The following BIRC5 variants were observed in gnomAD, a reference collection of about 807,000 sequenced individuals.
The protein encoded by BIRC5 is baculoviral IAP repeat containing 5.
In BIRC5, 8 loss-of-function variants were observed where a neutral mutation model predicts 15.8. The ratio of observed to expected loss-of-function variants is 0.51; its 90% CI spans 0.30 to 0.91. The LOEUF is 0.91. Among genes scored for constraint, BIRC5 ranks in the 40% least tolerant of loss-of-function variants. The pLI, the probability that BIRC5 is intolerant of heterozygous loss-of-function variation, is 0.07. For synonymous variants in BIRC5, 56 were observed against 64.5 expected (o/e 0.87, Z 0.63); for missense variants, 163 against 178.6 (o/e 0.91, Z 0.50).
At chr17:78,215,554 C>T (rs889949630) in intron 2 of BIRC5, among the ~76,000 whole-genome samples, 1 of 151,804 alleles carries the variant, frequency 6.6e-6, no homozygotes. Flanking sequence ...CACTGTAATG[C>T]CATATTCTTT....
chr17:78,223,923 G>A lies in BIRC5; in HGVS notation c.*369G>A. 1 of 328,810 alleles carries A rather than the reference G, an allele frequency of 3.0e-6. No individual in the cohort carries two copies. 20.4% of individuals were successfully genotyped at this position (328,810 alleles called of 1,614,324 possible). On this transcript the variant is annotated 3_prime_UTR_variant, in exon 4 of 4. Transcript: ENST00000350051. ...GTGGGCAGAGCCTTCCACAGTGAAT[G>A]TGTCTGGACCTCATGTTGTTGAGGC...
chr17:78,220,072 G>T (rs2076504770), intron 3 of BIRC5, among the ~76,000 whole-genome samples: 1 of 151,418 alleles, frequency 6.6e-6, no homozygotes, highest in African/African-American at 2.4e-5. Context: ...TAGGGTTACA[G>T]GGATGAAGAT....
At chr17:78,217,133 C>T (rs2076484257) in intron 3 of BIRC5, among the ~76,000 whole-genome samples, 1 of 151,396 alleles carries the variant, frequency 6.6e-6, no homozygotes, top group Non-Finnish European at 1.5e-5. Flanking sequence ...CCACCTTGGC[C>T]TCCCAAAGTG....
chr17:78,215,255 A>T (rs1028869305), intron 2 of BIRC5, among the ~76,000 whole-genome samples: 1 of 152,078 alleles, frequency 6.6e-6, no homozygotes, highest in Admixed American at 6.6e-5. Flanking sequence ...CGTCTCTACT[A>T]AAAATACAAA....
At chr17:78,217,176 CTT>C (rs1415769310) in intron 3 of BIRC5, among the ~76,000 whole-genome samples, 1 of 142,366 alleles carries the variant, frequency 7.0e-6, no homozygotes, top group African/African-American at 2.6e-5. Flanking sequence ...CCACGCCTGG[CTT>C]TTTTTTTTTT....
chr17:78,214,742 C>T lies in BIRC5; in HGVS notation c.174C>T (p.Phe58=), dbSNP rs1183848453. 10 of 1,613,106 alleles carry T rather than the reference C, an allele frequency of 6.2e-6. No individual in the cohort carries two copies. Among genetic ancestry groups the T allele is most frequent in the Non-Finnish European group, 8.5e-6 (10 of 1,179,662 alleles). Residue 58 remains phenylalanine (F), a synonymous_variant, in exon 2 of 4, where the codon TTC becomes TTT. Coordinates refer to ENST00000350051, the MANE Select transcript of BIRC5 (RefSeq NM_001168.3). ...ACGAGCCAGACTTGGCCCAGTGTTT[C>T]TTCTGCTTCAAGGAGCTGGAAGGCT... ...TENEPDLAQC[F]FCFKELEGWE... is the part of the protein sequence containing the mutation.
At chr17:78,222,893 G>T (rs1480424945) in intron 3 of BIRC5, 1 of 1,535,778 alleles carries the variant, frequency 6.5e-7, no homozygotes, top group Middle Eastern at 1.7e-4. Context: ...GGAAGCAAAA[G>T]AATTTCTGTT....
At chr17:78,216,857 A>T in intron 3 of BIRC5, 76 bp downstream of exon 3, 10 of 1,113,106 alleles carry the variant, frequency 9.0e-6, no homozygotes, top group South Asian at 2.8e-5. Context: ...CCTCAAAGGG[A>T]CTCTGTGTTT....
In BIRC5 at chr17:78,223,622, A is replaced by T. The variant is rs757860515; in HGVS notation, c.*68A>T. The stretch of plus-strand genomic sequence containing the variant: ...CTTCCAGGGTTTATTCCCTGGTGCC[A>T]CCAGCCTTCCTGTGGGCCCCTTAGC... On this transcript the variant is annotated 3_prime_UTR_variant, in exon 4 of 4. Transcript: ENST00000350051. The T allele has an allele frequency of 6.2e-7, 1 of 1,604,388 alleles. No homozygotes were observed. The highest frequency in any genetic ancestry group is 1.1e-5 in the South Asian group (1 of 89,352).
chr17:78,214,276 T>G lies in BIRC5; in HGVS notation c.-41T>G. 2 of 1,559,956 alleles carry G rather than the reference T, an allele frequency of 1.3e-6. No individual in the cohort carries two copies. The highest frequency in any genetic ancestry group is 1.7e-6 in the Non-Finnish European group (2 of 1,145,792). On this transcript the variant is annotated 5_prime_UTR_variant, in exon 1 of 4. Transcript: ENST00000350051. ...CCGCGGCGCGCCATTAACCGCCAGA[T>G]TTGAATCGCGGGACCCGTTGGCAGA...
At chr17:78,216,431 T>C (rs1168562538) in intron 2 of BIRC5, 4 of 443,332 alleles carry the variant, frequency 9.0e-6, no homozygotes, top group Non-Finnish European at 1.7e-5. Context: ...ATAGATACAT[T>C]AGCCACACAG....
intron 2 of BIRC5, 112 bp downstream of exon 2, chr17:78,214,901 C>A: frequency 1.0e-6 from 1 of 963,550 alleles, no homozygotes; most frequent in Non-Finnish European, 1.6e-6. Context: ...CTCATTGCTT[C>A]TTAAACAGCT....
At chr17:78,222,695 C>G in intron 3 of BIRC5, 1 of 1,274,606 alleles carries the variant, frequency 7.8e-7, no homozygotes, top group Non-Finnish European at 1.0e-6. Flanking sequence ...TTAAGTTAAC[C>G]TCTGTCAGCA....
intron 3 of BIRC5, among the ~76,000 whole-genome samples, chr17:78,221,343 C>G (rs1050193631): frequency 6.6e-6 from 1 of 152,180 alleles, no homozygotes. Context: ...CCTCGACCTC[C>G]TGGACTCAAG....
intron 3 of BIRC5, among the ~76,000 whole-genome samples, chr17:78,220,255 C>T (rs560920649): frequency 3.8e-4 from 57 of 151,624 alleles, no homozygotes; most frequent in African/African-American, 1.3e-3. Flanking sequence ...GGTGAAACCC[C>T]GTCTTTACTA....
intron 3 of BIRC5, among the ~76,000 whole-genome samples, chr17:78,220,423 G>T (rs1388474678): frequency 2.0e-5 from 2 of 100,076 alleles, no homozygotes; most frequent in African/African-American, 7.7e-5. Flanking sequence ...GCGAGACTCC[G>T]TCTCAAAAAA....
chr17:78,216,395 C>G (rs1330754272), intron 2 of BIRC5: 6 of 363,062 alleles, frequency 1.7e-5, no homozygotes, highest in Non-Finnish European at 3.1e-5. Context: ...ACTTTTCCAA[C>G]TAATTGCTAA....
At chr17:78,219,051 T>A (rs1183495938) in intron 3 of BIRC5, among the ~76,000 whole-genome samples, 1 of 152,220 alleles carries the variant, frequency 6.6e-6, no homozygotes, top group Non-Finnish European at 1.5e-5. Context: ...ACTTTGAGTT[T>A]AAGCCAGTCG....
chr17:78,216,587 G>T (rs1440119394), intron 2 of BIRC5, 77 bp from the exon 3 acceptor site: 4 of 1,232,092 alleles, frequency 3.2e-6, no homozygotes, highest in African/African-American at 1.5e-5. Flanking sequence ...GGAGGGCGTG[G>T]GGAGGTGGCC....
Sources: gnomAD v4.1 joint callset for allele counts (sites outside exome capture counted in the v4.1 genomes callset) on GRCh38, gnomAD v4.1.1 for gene constraint, MANE v1.5 for transcripts, NCBI Gene and HGNC (gene_info 2026-07-23, HGNC 2026-07-21) for gene names.